Variants in HSD3B1 observed in about 807,000 individuals in gnomAD.
The protein encoded by HSD3B1 is 3 beta-hydroxysteroid dehydrogenase/Delta 5-->4-isomerase type 1.
Under a neutral mutation model 10.4 loss-of-function variants are expected in HSD3B1, and 11 were observed. The ratio of observed to expected loss-of-function variants is 1.05; its 90% CI spans 0.66 to 1.75. The LOEUF (loss-of-function observed/expected upper bound fraction) is 1.75, where lower values mean the gene tolerates loss of function less well. Ranked by LOEUF, HSD3B1 falls within the 40% of genes most tolerant of loss-of-function variation. The pLI, the probability that HSD3B1 is intolerant of heterozygous loss-of-function variation, is 0.00. For missense variants in HSD3B1, 490 were observed against 454.5 expected (o/e 1.08, Z -0.71); for synonymous variants, 217 against 185.4 (o/e 1.17, Z -1.39).
chr1:119,508,108 A>T (rs1401352534), intron 2 of HSD3B1: 1 of 163,512 alleles, frequency 6.1e-6, no homozygotes, highest in Non-Finnish European at 1.3e-5. Context: ...TAAGGTAAAG[A>T]TGAGTGTATA....
rs745709300 is a variant in HSD3B1, at chr1:119,507,444, C to T, written c.-33C>T. On this transcript the variant is annotated 5_prime_UTR_variant, in exon 2 of 4. Coordinates refer to ENST00000369413, the MANE Select transcript of HSD3B1 (RefSeq NM_000862.3). ...ATCTGCTCCCCAGCATCTTCTGTTT[C>T]CTGGTGAGTGATTCCTGCTACTTTG... 2 of 1,612,306 alleles carry T rather than the reference C, an allele frequency of 1.2e-6. No homozygotes were observed. The highest frequency in any genetic ancestry group is 1.1e-5 in the South Asian group (1 of 91,022).
chr1:119,514,212 C>G lies in HSD3B1; in HGVS notation c.689C>G (p.Ala230Gly). Residue 230 changes from alanine to glycine, a missense_variant, in exon 4 of 4, where the codon GCC becomes GGC. Ala to Gly is a moderately conservative substitution (Grantham distance 60). Coordinates refer to ENST00000369413, the MANE Select transcript of HSD3B1 (RefSeq NM_000862.3). ...AACCCAGTCTATGTTGGCAATGTGG[C>G]CTGGGCCCACATTCTGGCCTTGAGG... ...TVNPVYVGNV[A>G]WAHILALRAL... The G allele has an allele frequency of 6.2e-7, 1 of 1,614,128 alleles. No homozygotes were observed. The highest frequency in any genetic ancestry group is 8.5e-7 in the Non-Finnish European group (1 of 1,180,008).
Position 119,514,596 on chromosome 1 carries a change from G to T in HSD3B1, c.1073G>T (p.Gly358Val). The change falls in exon 4 of 4, where the codon GGT becomes GTT. Residue 358 changes from glycine to valine, a missense_variant. Physicochemically the swap from Gly to Val is moderately radical, Grantham distance 109. Transcript: ENST00000369413. The part of the protein sequence containing the change: ...EAKQKTVEWV[G>V]SLVDRHKETL... ...AAGCAGAAAACGGTGGAGTGGGTTG[G>T]TTCCCTTGTGGACCGGCACAAGGAG... 6.2e-7 allele frequency: 1 copy of T among 1,613,880 alleles called. No individual in the cohort carries two copies. Among genetic ancestry groups the T allele is most frequent in the African/African-American group, 1.3e-5 (1 of 74,960 alleles).
intron 3 of HSD3B1, 23 bp downstream of exon 3, chr1:119,511,690 T>C (rs1383975882): frequency 2.4e-5 from 39 of 1,609,170 alleles, no homozygotes; most frequent in Non-Finnish European, 3.2e-5. Flanking sequence ...GGGGAGGAGA[T>C]GCAGCAAGGT....
In HSD3B1 at chr1:119,514,851, T is replaced by C. The variant is rs1235684105; in HGVS notation, c.*206T>C. On this transcript the variant is annotated 3_prime_UTR_variant, in exon 4 of 4. Transcript: ENST00000369413. ...CAAGAAGGTTTCTGTCCTAATCATA[T>C]ACCAGAGGAAAGACCATGTGGTTTG... 1 of 616,998 alleles carries C rather than the reference T, an allele frequency of 1.6e-6. No homozygotes were observed. The highest frequency in any genetic ancestry group is 2.8e-5 in the Admixed American group (1 of 35,674). The allele number at this position is 616,998 out of a possible 1,614,324, so 38.2% of individuals were successfully genotyped here.
Position 119,514,792 on chromosome 1 carries a change from C to T in HSD3B1, c.*147C>T, listed in dbSNP as rs1431347537. ...ACAATGGCCAACTTATTGTATTCCT[C>T]ATGTCATCAAAACCTGCGCAGTCAT... On this transcript the variant is annotated 3_prime_UTR_variant, in exon 4 of 4. Transcript: ENST00000369413. The T allele has an allele frequency of 7.0e-6, 6 of 853,500 alleles. No individual in the cohort carries two copies. The highest frequency in any genetic ancestry group is 6.3e-5 in the Admixed American group (3 of 47,402). The allele number at this position is 853,500 out of a possible 1,614,324, so 52.9% of individuals were successfully genotyped here.
chr1:119,514,555 C>T lies in HSD3B1; in HGVS notation c.1032C>T (p.Tyr344=), dbSNP rs377220625. The change falls in exon 4 of 4, where the codon TAC becomes TAT. Residue 344 remains tyrosine, a synonymous_variant. Coordinates refer to ENST00000369413, the MANE Select transcript of HSD3B1 (RefSeq NM_000862.3). ...GAGATCTGGCGTATAAGCCACTCTA[C>T]AGCTGGGAGGAAGCCAAGCAGAAAA... ...AQRDLAYKPL[Y]SWEEAKQKTV... 3.1e-6 allele frequency: 5 copies of T among 1,613,896 alleles called. No homozygotes were observed. The African/African-American group carries it at 5.3e-5, about 17-fold the overall frequency.
rs777906080 is a variant in HSD3B1 at position 119,514,339 on chromosome 1, G to A, written c.816G>A (p.Leu272=). 3 of 1,613,954 alleles carry A rather than the reference G, an allele frequency of 1.9e-6. No homozygotes were observed. The highest frequency in any genetic ancestry group is 2.2e-5 in the East Asian group (1 of 44,866). The change falls in exon 4 of 4, where the codon CTG becomes CTA. Residue 272 remains leucine, a synonymous_variant. Transcript: ENST00000369413. ...HQSYDNLNYT[L]SKEFGLRLDS... is the part of the protein sequence containing the mutation. The stretch of plus-strand genomic sequence containing the variant: ...GCTATGATAACCTTAATTACACCCT[G>A]AGCAAAGAGTTCGGCCTCCGCCTTG...
At chr1:119,507,688 G>A (rs1653828583) in intron 2 of HSD3B1, 67 bp downstream of exon 2, 1 of 1,511,462 alleles carries the variant, frequency 6.6e-7, no homozygotes, top group Non-Finnish European at 9.2e-7. Context: ...GGGGGAGATG[G>A]ACCTTGTCTA....
intron 3 of HSD3B1, among the ~76,000 whole-genome samples, chr1:119,513,356 A>G (rs892702730): frequency 4.6e-5 from 7 of 152,270 alleles, no homozygotes; most frequent in South Asian, 2.1e-4. Flanking sequence ...TATATTGCCT[A>G]TATACAATGG....
At chr1:119,510,376 G>A (rs1289317652) in intron 2 of HSD3B1, among the ~76,000 whole-genome samples, 1 of 152,156 alleles carries the variant, frequency 6.6e-6, no homozygotes, top group Non-Finnish European at 1.5e-5. Context: ...CACAATTCCT[G>A]AGTAATGACT....
At chr1:119,507,334 G>T in intron 1 of HSD3B1, 58 bp from the exon 2 acceptor site, 4 of 762,756 alleles carry the variant, frequency 5.2e-6, no homozygotes, top group Non-Finnish European at 8.7e-6. Context: ...AAAAAAAATG[G>T]GGTGGAGGAA....
At position 119,511,654 on chromosome 1, in the gene HSD3B1, T is replaced by C. The variant is rs776467003; in HGVS notation, c.297T>C (p.Asn99=). 1.9e-6 allele frequency: 3 copies of C among 1,613,638 alleles called. No homozygotes were observed. The highest frequency in any genetic ancestry group is 2.2e-5 in the South Asian group (2 of 91,054). The change falls in exon 3 of 4, where the codon AAT becomes AAC. Residue 99 remains asparagine, a synonymous_variant. Coordinates refer to ENST00000369413, the MANE Select transcript of HSD3B1 (RefSeq NM_000862.3). ...FGVTHRESIM[N]VNVKGTQLLL... ...TCACTCACAGAGAGTCTATCATGAA[T>C]GTCAATGTGAAAGGTATGGTAGGCT...
Position 119,507,368 on chromosome 1 carries a change from T to C in HSD3B1, c.-85-24T>C, listed in dbSNP as rs1342343923. The stretch of plus-strand genomic sequence containing the variant: ...AAAATGAGGCATCTGTGTGAGTATA[T>C]AACCATTTGACATCTCTTTTTAGCC... On this transcript the variant is annotated intron_variant, in intron 1 of 3. Coordinates refer to ENST00000369413, the MANE Select transcript of HSD3B1 (RefSeq NM_000862.3). The C allele has an allele frequency of 3.5e-6, 4 of 1,141,220 alleles. No homozygotes were observed. In the African/African-American group the frequency reaches 4.6e-5, roughly 13 times the overall value. 70.7% of individuals were successfully genotyped at this position (1,141,220 alleles called of 1,614,324 possible). A position where few individuals can be genotyped will look rare whatever the true frequency, so the allele number is the denominator to read the frequency against.
chr1:119,508,408 T>C (rs1395011059), intron 2 of HSD3B1, among the ~76,000 whole-genome samples: 1 of 151,404 alleles, frequency 6.6e-6, no homozygotes, highest in African/African-American at 2.4e-5. Flanking sequence ...CTGTTGCTCA[T>C]CATCAAAAAG....
intron 3 of HSD3B1, among the ~76,000 whole-genome samples, chr1:119,512,808 A>C (rs1653974391): frequency 6.6e-6 from 1 of 152,204 alleles, no homozygotes; most frequent in South Asian, 2.1e-4. Context: ...CCTTGAAGGT[A>C]AACTAACTCC....
At chr1:119,509,815 T>G (rs1420017841) in intron 2 of HSD3B1, among the ~76,000 whole-genome samples, 1 of 152,220 alleles carries the variant, frequency 6.6e-6, no homozygotes, top group Non-Finnish European at 1.5e-5. Context: ...TGGTCTTTGG[T>G]CTTTGTTGCC....
chr1:119,511,503 A>T lies in HSD3B1; in HGVS notation c.146A>T (p.Lys49Ile). Residue 49 changes from lysine (K) to isoleucine (I), a missense_variant and splice_region_variant, in exon 3 of 4, where the codon AAA becomes ATA. Transcript: ENST00000369413. ...FGPELREEFS[K>I]LQNKTKLTVL... ...AATGACCTGACCTGTGTTCACACAG[A>T]ACTCCAGAACAAGACCAAGCTGACA... is the stretch of plus-strand genomic sequence containing the variant. 6.2e-7 allele frequency: 1 copy of T among 1,613,786 alleles called. No homozygotes were observed. The highest frequency in any genetic ancestry group is 8.5e-7 in the Non-Finnish European group (1 of 1,179,758).
intron 3 of HSD3B1, among the ~76,000 whole-genome samples, chr1:119,513,497 C>A (rs1331578266): frequency 6.6e-6 from 1 of 151,954 alleles, no homozygotes; most frequent in Non-Finnish European, 1.5e-5. Context: ...GTACTGATTA[C>A]AAATCATAAT....
Sources: allele counts gnomAD v4.1 joint callset (sites outside exome capture counted in the v4.1 genomes callset), GRCh38; gene constraint gnomAD v4.1.1; transcripts MANE v1.5; gene names NCBI Gene and HGNC (gene_info 2026-07-23, HGNC 2026-07-21).